The following CTIF variants were observed in gnomAD, a reference collection of about 807,000 sequenced individuals.
CTIF encodes cap binding complex dependent translation initiation factor.
CTIF carries 21 observed loss-of-function variants against 66.0 expected under a neutral mutation model. The ratio of observed to expected loss-of-function variants is 0.32; its 90% confidence interval spans 0.23 to 0.46. The LOEUF (loss-of-function observed/expected upper bound fraction) is 0.46. CTIF is among the 20% of genes least tolerant of loss of function. The pLI is 1.00. For synonymous variants in CTIF, 345 were observed against 326.4 expected, an observed-to-expected ratio of 1.06 and a Z score of -0.62; for missense variants, 739 against 812.7, an observed-to-expected ratio of 0.91 and a Z score of 1.10.
intron 7 of CTIF, among the ~76,000 whole-genome samples, chr18:48,757,037 T>A (rs541897177): frequency 3.3e-5 from 5 of 152,314 alleles, no homozygotes; most frequent in African/African-American, 1.2e-4. Flanking sequence ...GTTGGTTTCT[T>A]CTGAGGCCTG....
intron 10 of CTIF, chr18:48,826,690 G>A (rs539817494): frequency 2.0e-5 from 3 of 152,356 alleles, no homozygotes; most frequent in Non-Finnish European, 4.4e-5. Flanking sequence ...GGTCTCATCT[G>A]TCATGGAACC....
chr18:48,588,484 T>C (rs1228049721), intron 1 of CTIF, among the ~76,000 whole-genome samples: 1 of 152,210 alleles, frequency 6.6e-6, no homozygotes, highest in African/African-American at 2.4e-5. Context: ...TCAGACCATG[T>C]GGTCCCAAAT....
intron 1 of CTIF, among the ~76,000 whole-genome samples, chr18:48,590,815 C>T (rs961237062): frequency 2.0e-5 from 3 of 152,160 alleles, no homozygotes; most frequent in African/African-American, 7.2e-5. Context: ...CCTCACCCTC[C>T]ACCCCGCCCC....
intron 3 of CTIF, among the ~76,000 whole-genome samples, chr18:48,639,471 C>T (rs935378870): frequency 4.4e-4 from 67 of 152,180 alleles, no homozygotes; most frequent in African/African-American, 1.6e-3. Context: ...TGGGCAGGTG[C>T]ACAGAGGAGG....
At chr18:48,728,934 T>A (rs2092411835) in intron 7 of CTIF, among the ~76,000 whole-genome samples, 1 of 152,228 alleles carries the variant, frequency 6.6e-6, no homozygotes, top group Non-Finnish European at 1.5e-5. Flanking sequence ...TTATCTGTTT[T>A]GAGTTCCTTC....
intron 1 of CTIF, among the ~76,000 whole-genome samples, chr18:48,612,851 A>T (rs2090332053): frequency 6.6e-6 from 1 of 152,172 alleles, no homozygotes; most frequent in Non-Finnish European, 1.5e-5. Context: ...CCCTTGCTGC[A>T]GCCACAAGCC....
chr18:48,682,371 C>T (rs2091761317), intron 6 of CTIF, among the ~76,000 whole-genome samples: 1 of 152,188 alleles, frequency 6.6e-6, no homozygotes, highest in African/African-American at 2.4e-5. Context: ...TGATCAGCAG[C>T]AGTAATATCA....
At chr18:48,679,127 G>T (rs1036683703) in intron 6 of CTIF, among the ~76,000 whole-genome samples, 5 of 152,204 alleles carry the variant, frequency 3.3e-5, no homozygotes, top group Non-Finnish European at 7.3e-5. Flanking sequence ...AGTTAAAACA[G>T]GTGGCAGAAA....
chr18:48,668,527 G>A (rs12606075), intron 5 of CTIF, among the ~76,000 whole-genome samples: 4,736 of 152,218 alleles, frequency 0.031, 119 homozygotes, highest in South Asian at 0.1. Flanking sequence ...GCCGGGGGCC[G>A]GGGGAAACTT....
At chr18:48,768,519 G>A (rs977945806) in intron 9 of CTIF, among the ~76,000 whole-genome samples, 2 of 152,188 alleles carry the variant, frequency 1.3e-5, no homozygotes, top group African/African-American at 4.8e-5. Context: ...CAGTGAGGCT[G>A]CAAGATTGAC....
chr18:48,697,940 G>A (rs1023897944), intron 6 of CTIF, among the ~76,000 whole-genome samples: 7 of 151,122 alleles, frequency 4.6e-5, no homozygotes, highest in Non-Finnish European at 8.9e-5. Context: ...CTGCAGTCCT[G>A]CAGTCCTGAA....
At chr18:48,835,388 C>T (rs2068786860) in intron 10 of CTIF, among the ~76,000 whole-genome samples, 1 of 152,192 alleles carries the variant, frequency 6.6e-6, no homozygotes, top group South Asian at 2.1e-4. Context: ...ACTCCTGAGA[C>T]ATTGCCATTG....
intron 3 of CTIF, among the ~76,000 whole-genome samples, chr18:48,658,646 ATGTGGATGTG>A (rs1215681164): frequency 6.6e-6 from 1 of 151,864 alleles, no homozygotes; most frequent in African/African-American, 2.4e-5. Context: ...GGTGTGTATT[ATGTGGATGTG>A]TGTGGATGTG....
chr18:48,749,440 A>G (rs1169183944), intron 7 of CTIF, among the ~76,000 whole-genome samples: 5 of 152,172 alleles, frequency 3.3e-5, no homozygotes, highest in Admixed American at 6.5e-5. Context: ...TTAGAGCCCA[A>G]AATCAGAACA....
chr18:48,683,291 T>G (rs968366439), intron 6 of CTIF: 2 of 151,652 alleles, frequency 1.3e-5, no homozygotes, highest in Admixed American at 1.3e-4. Flanking sequence ...CATACTGTGG[T>G]TGTGTCCAGA....
chr18:48,593,568 G>C (rs924096574), intron 1 of CTIF, among the ~76,000 whole-genome samples: 3 of 151,606 alleles, frequency 2.0e-5, no homozygotes, highest in African/African-American at 7.3e-5. Flanking sequence ...ATTTTTAGTA[G>C]AGACGGGGTT....
intron 7 of CTIF, among the ~76,000 whole-genome samples, chr18:48,731,888 A>C (rs534706314): frequency 3.3e-5 from 5 of 152,382 alleles, no homozygotes; most frequent in African/African-American, 9.6e-5. Context: ...GGTCTCTATC[A>C]TAACTCCTCA....
chr18:48,711,017 G>T (rs1314701555), intron 6 of CTIF, among the ~76,000 whole-genome samples: 1 of 152,146 alleles, frequency 6.6e-6, no homozygotes, highest in Admixed American at 6.5e-5. Flanking sequence ...AAGTAATTTA[G>T]CTAATTCCAT....
chr18:48,818,749 G>A (rs1249161336), intron 10 of CTIF, among the ~76,000 whole-genome samples: 1 of 152,074 alleles, frequency 6.6e-6, no homozygotes, highest in African/African-American at 2.4e-5. Flanking sequence ...CCACCGGCAG[G>A]CCTCTGCAGG....
Sources: allele counts gnomAD v4.1 joint callset (sites outside exome capture counted in the v4.1 genomes callset), GRCh38; gene constraint gnomAD v4.1.1; transcripts MANE v1.5; gene names NCBI Gene and HGNC (gene_info 2026-07-23, HGNC 2026-07-21).